THSD1: variants seen among roughly 807,000 people sequenced by gnomAD.
THSD1 encodes thrombospondin type-1 domain-containing protein 1.
Under a neutral mutation model 46.3 loss-of-function variants are expected in THSD1, and 34 were observed. The observed-to-expected ratio is 0.74, with a 90% CI of 0.56 to 0.98. The LOEUF (loss-of-function observed/expected upper bound fraction) is 0.98. Ranked by LOEUF, THSD1 falls within the 50% of genes least tolerant of loss-of-function variation. THSD1 has a pLI of 0.00. For synonymous variants in THSD1, 407 were observed against 416.5 expected, an observed-to-expected ratio of 0.98 and a Z score of 0.28; for missense variants, 1,023 against 1,058.3, an observed-to-expected ratio of 0.97 and a Z score of 0.46.
chr13:52,396,048 TGAACCATGGAATC>T (rs1957807910), intron 3 of THSD1, among the ~76,000 whole-genome samples: 1 of 151,940 alleles, frequency 6.6e-6, no homozygotes, highest in Non-Finnish European at 1.5e-5. Flanking sequence ...GTTAAAGGGA[TGAACCATGGAATC>T]TAAGCTGGAT....
intron 4 of THSD1, among the ~76,000 whole-genome samples, chr13:52,382,283 A>T (rs544697592): frequency 6.6e-6 from 1 of 152,162 alleles, no homozygotes; most frequent in African/African-American, 2.4e-5. Context: ...CCTGGGTTTC[A>T]TCCTTCATGC....
rs1181496896 is a variant in THSD1, at chr13:52,377,286, C to T, written c.*125G>A. The T allele has an allele frequency of 6.5e-6, 9 of 1,379,290 alleles. No individual in the cohort carries two copies. The African/African-American group carries it at 1.0e-4, about 16-fold the overall frequency. 85.4% of individuals were successfully genotyped at this position (1,379,290 alleles called of 1,614,324 possible). A position where few individuals can be genotyped will look rare whatever the true frequency, so the allele number is the denominator to read the frequency against. Reference sequence around the variant, plus strand: ...TTGTGAATTCAAACACATGCATACACACACATCCTCCTCTGTGTGTTACTT... The same window carrying T: ...TTGTGAATTCAAACACATGCATACATACACATCCTCCTCTGTGTGTTACTT... On this transcript the variant is annotated 3_prime_UTR_variant, in exon 5 of 5. Coordinates refer to ENST00000258613, the MANE Select transcript of THSD1 (RefSeq NM_018676.4).
intron 2 of THSD1, among the ~76,000 whole-genome samples, chr13:52,402,014 G>C (rs903114126): frequency 2.0e-5 from 3 of 152,110 alleles, no homozygotes; most frequent in Admixed American, 6.5e-5. Context: ...GCTCATTCAG[G>C]GTGTTTTGCA....
intron 4 of THSD1, among the ~76,000 whole-genome samples, chr13:52,382,318 CAG>C (rs1957699435): frequency 6.6e-6 from 1 of 152,200 alleles, no homozygotes; most frequent in African/African-American, 2.4e-5. Flanking sequence ...TTGCCACATA[CAG>C]AGTCTGAATC....
At position 52,378,790 on chromosome 13, in the gene THSD1, C is replaced by T. The variant is rs1416215390; in HGVS notation, c.1181-1G>A. On this transcript the variant is annotated splice_acceptor_variant, in intron 4 of 4. Transcript: ENST00000258613. LOFTEE classifies it high-confidence loss of function. ...GGAGATGGGCTGGATGGCTGGAAAG[C>T]TGCAAAAAAAAACAAAACAAAACAA... 1 of 1,510,900 alleles carries T rather than the reference C, an allele frequency of 6.6e-7. No homozygotes were observed. The highest frequency in any genetic ancestry group is 8.8e-7 in the Non-Finnish European group (1 of 1,131,892). The allele number at this position is 1,510,900 out of a possible 1,614,324, so 93.6% of individuals were successfully genotyped here. A position where few individuals can be genotyped will look rare whatever the true frequency, so the allele number is the denominator to read the frequency against.
chr13:52,384,366 T>A (rs1325754410), intron 4 of THSD1: 5 of 455,852 alleles, frequency 1.1e-5, no homozygotes, highest in African/African-American at 1.0e-4. Context: ...GTGCCCCTAC[T>A]TTCTAGCTTC....
intron 2 of THSD1, among the ~76,000 whole-genome samples, chr13:52,399,674 A>AAG (rs1957838595): frequency 6.6e-6 from 1 of 152,334 alleles, no homozygotes; most frequent in Non-Finnish European, 1.5e-5. Context: ...CTTGATTATC[A>AAG]CTTGTTTGAA....
chr13:52,403,006 C>A (rs1957876566), intron 1 of THSD1: 1 of 916,308 alleles, frequency 1.1e-6, no homozygotes, highest in Non-Finnish European at 1.3e-6. Context: ...AAGTTAATAG[C>A]CAATTTGGAT....
In THSD1 at chr13:52,402,536, T is replaced by G. The variant is rs776866356; in HGVS notation, c.58+7A>C. The G allele has an allele frequency of 6.2e-7, 1 of 1,613,150 alleles. No homozygotes were observed. Among genetic ancestry groups the G allele is most frequent in the Non-Finnish European group, 8.5e-7 (1 of 1,179,202 alleles). ...CCAGTAGCGTTAAGTATACTCACAA[T>G]ACTCACCATAGTCACAGAGTACCAC... On this transcript the variant is annotated splice_region_variant and intron_variant, in intron 2 of 4. Coordinates refer to ENST00000258613, the MANE Select transcript of THSD1 (RefSeq NM_018676.4).
In THSD1 at chr13:52,402,575, GAA is replaced by G; in HGVS notation, c.24_25del (p.Ser9LysfsTer9). 6.2e-7 allele frequency: 1 copy of G among 1,613,868 alleles called. No homozygotes were observed. Among genetic ancestry groups the G allele is most frequent in the Non-Finnish European group, 8.5e-7 (1 of 1,179,892 alleles). On this transcript the variant is annotated frameshift_variant, in exon 2 of 5. Coordinates refer to ENST00000258613, the MANE Select transcript of THSD1 (RefSeq NM_018676.4). LOFTEE classifies it high-confidence loss of function. ...ACAGAGTACCACCAACAATAGATTTGAAAAGTCTTTCAACATTGGTTTCATTC... is the reference window on the plus strand; with the variant it reads ...ACAGAGTACCACCAACAATAGATTTGAAGTCTTTCAACATTGGTTTCATTC...
intron 3 of THSD1, among the ~76,000 whole-genome samples, chr13:52,393,061 G>A (rs991823906): frequency 6.6e-6 from 1 of 152,018 alleles, no homozygotes; most frequent in African/African-American, 2.4e-5. Flanking sequence ...TTGCATAGAA[G>A]GCAGTTACAG....
chr13:52,394,379 C>G (rs1039381237), intron 3 of THSD1, among the ~76,000 whole-genome samples: 1 of 152,006 alleles, frequency 6.6e-6, no homozygotes, highest in Non-Finnish European at 1.5e-5. Flanking sequence ...TTTGGGAGGC[C>G]GAGGCAGGTG....
chr13:52,398,836 G>T (rs1957831518), intron 2 of THSD1, among the ~76,000 whole-genome samples: 1 of 151,778 alleles, frequency 6.6e-6, no homozygotes, highest in Non-Finnish European at 1.5e-5. Context: ...TAGATATTTG[G>T]GGAAAATGGA....
At chr13:52,387,865 C>G (rs1402336087) in intron 3 of THSD1, among the ~76,000 whole-genome samples, 5 of 152,012 alleles carry the variant, frequency 3.3e-5, no homozygotes, top group African/African-American at 1.2e-4. Context: ...ATTGGAATAC[C>G]AGGAGAAGAA....
At chr13:52,394,549 G>T (rs187793587) in intron 3 of THSD1, among the ~76,000 whole-genome samples, 2 of 151,712 alleles carry the variant, frequency 1.3e-5, no homozygotes, top group Admixed American at 1.3e-4. Context: ...GGGAGGTGGA[G>T]TTTGCAGTGA....
In THSD1 at chr13:52,386,397, C is replaced by G. The variant is rs76714078; in HGVS notation, c.1022-211G>C. 3.6e-3 allele frequency among the ~76,000 whole-genome samples: 541 copies of G among 151,978 alleles called. 2 individuals carry two copies. Among genetic ancestry groups the G allele is most frequent in the African/African-American group, 0.012 (487 of 41,422 alleles). ...TTAAAGATCTTAACCTTTCCAGAAC[C>G]CAAAAAAGAGCTGAGGTCGCAGGAC... On this transcript the variant is annotated intron_variant, in intron 3 of 4. Coordinates refer to ENST00000258613, the MANE Select transcript of THSD1 (RefSeq NM_018676.4).
intron 4 of THSD1, among the ~76,000 whole-genome samples, chr13:52,379,510 C>T (rs748109125): frequency 7.3e-5 from 11 of 151,480 alleles, no homozygotes; most frequent in Non-Finnish European, 1.2e-4. Context: ...CTTGCTCTGT[C>T]GCCCAGGATG....
chr13:52,397,490 C>T lies in THSD1; in HGVS notation c.763G>A (p.Gly255Arg), dbSNP rs763933783. The T allele has an allele frequency of 2.3e-5, 37 of 1,613,986 alleles. No individual in the cohort carries two copies. The highest frequency in any genetic ancestry group is 5.5e-5 in the South Asian group (5 of 91,080). ...GGAGGCAGCACTGTCACCTCTACCCCGGACTCACATGTGAGTTCTGGCACC... is the reference window on the plus strand; with the variant it reads ...GGAGGCAGCACTGTCACCTCTACCCTGGACTCACATGTGAGTTCTGGCACC... ...VMVPELTCES[G>R]VEVTVLPPPC... is the part of the protein sequence containing the mutation. The change falls in exon 3 of 5, where the codon GGG becomes AGG. Residue 255 changes from glycine to arginine, a missense_variant. Around this residue, in one of 3 missense-constraint regions of THSD1, gnomAD observed 429 missense variants for 518.3 expected, o/e 0.83. Coordinates refer to ENST00000258613, the MANE Select transcript of THSD1 (RefSeq NM_018676.4).
chr13:52,394,613 GA>G (rs747265774), intron 3 of THSD1, among the ~76,000 whole-genome samples: 1,966 of 109,012 alleles, frequency 0.018, 30 homozygotes, highest in African/African-American at 0.054. Flanking sequence ...GACTGTCCCA[GA>G]AAAAAAAAAA....
Sources: gnomAD v4.1 joint callset for allele counts (sites outside exome capture counted in the v4.1 genomes callset) on GRCh38, gnomAD v4.1.1 for gene constraint, gnomAD v4.1.1 regional missense constraint, MANE v1.5 for transcripts, NCBI Gene and HGNC (gene_info 2026-07-23, HGNC 2026-07-21) for gene names.